PTPRD: variants seen among roughly 807,000 people sequenced by gnomAD.
PTPRD encodes protein tyrosine phosphatase receptor type D.
A neutral mutation model predicts 214.5 loss-of-function variants in PTPRD; 34 were observed. The ratio of observed to expected loss-of-function variants is 0.16; its 90% CI spans 0.12 to 0.21. The LOEUF is 0.21. PTPRD is among the 10% of genes least tolerant of loss of function. The probability of loss-of-function intolerance (pLI) is 1.00; values close to 1 mark genes in which losing one functional copy is unlikely to be tolerated. For missense variants in PTPRD, 2,545 were observed against 2,398.7 expected (o/e 1.06, Z -1.27); for synonymous variants, 1,128 against 845.7 (o/e 1.33, Z -5.79).
At chr9:9,464,736 GT>G (rs1004036818) in intron 8 of PTPRD, among the ~76,000 whole-genome samples, 1 of 152,108 alleles carries the variant, frequency 6.6e-6, no homozygotes, top group Non-Finnish European at 1.5e-5. Context: ...GTAAACATGA[GT>G]TTTTAGCAAT....
In PTPRD at chr9:9,899,150, C is replaced by CA. The variant is rs1392975113; in HGVS notation, c.-368+39356dup. Among the ~76,000 whole-genome samples the CA allele has an allele frequency of 1.1e-4, 17 of 151,970 alleles. No homozygotes were observed. In the Middle Eastern group the frequency reaches 0.021, roughly 184 times the overall value. ...AAATAACTTTTACTATAGTATACCC[C>CA]AAGAAGAAGTACTTAGGAACAAATC... On this transcript the variant is annotated intron_variant, in intron 5 of 45. Transcript: ENST00000381196.
chr9:8,720,752 G>C (rs2098484772), intron 12 of PTPRD, among the ~76,000 whole-genome samples: 1 of 152,044 alleles, frequency 6.6e-6, no homozygotes, highest in South Asian at 2.1e-4. Flanking sequence ...TTCTTACACA[G>C]TGTGTAAGCT....
intron 10 of PTPRD, among the ~76,000 whole-genome samples, chr9:9,102,327 G>C (rs2099792504): frequency 6.6e-6 from 1 of 152,126 alleles, no homozygotes; most frequent in Non-Finnish European, 1.5e-5. Context: ...ACCATTCTAT[G>C]GCCACCAACA....
chr9:9,684,516 G>C (rs1007093196), intron 7 of PTPRD, among the ~76,000 whole-genome samples: 11 of 151,646 alleles, frequency 7.3e-5, no homozygotes, highest in African/African-American at 2.7e-4. Flanking sequence ...CTCTACCTAA[G>C]ATAGTTGCTT....
At chr9:9,683,055 A>T (rs192401041) in intron 7 of PTPRD, among the ~76,000 whole-genome samples, 25 of 151,964 alleles carry the variant, frequency 1.6e-4, no homozygotes, top group Admixed American at 3.3e-4. Flanking sequence ...ATTTTGAAAG[A>T]TAGGGGACTT....
intron 10 of PTPRD, among the ~76,000 whole-genome samples, chr9:9,168,254 G>C (rs527694457): frequency 6.6e-6 from 1 of 152,276 alleles, no homozygotes; most frequent in East Asian, 1.9e-4. Context: ...CCTTCTTCTA[G>C]ACAGTTTAGA....
intron 10 of PTPRD, among the ~76,000 whole-genome samples, chr9:9,087,878 CT>C (rs59824704): frequency 8.1e-3 from 556 of 68,556 alleles, no homozygotes; most frequent in African/African-American, 0.023. Context: ...GCCCTAAACT[CT>C]TTTTTTTTTT....
At chr9:8,349,087 C>T (rs977229871) in intron 39 of PTPRD, among the ~76,000 whole-genome samples, 1 of 152,022 alleles carries the variant, frequency 6.6e-6, no homozygotes, top group Non-Finnish European at 1.5e-5. Context: ...ATAGGAAGCC[C>T]TCTCCCAGAT....
intron 7 of PTPRD, among the ~76,000 whole-genome samples, chr9:9,707,772 G>A (rs2097652334): frequency 6.6e-6 from 1 of 151,954 alleles, no homozygotes; most frequent in Admixed American, 6.6e-5. Flanking sequence ...AGTTAGCAGT[G>A]CCACTATTCT....
chr9:10,013,669 G>A (rs761358652), intron 4 of PTPRD, among the ~76,000 whole-genome samples: 1 of 151,890 alleles, frequency 6.6e-6, no homozygotes, highest in Non-Finnish European at 1.5e-5. Context: ...AGTACACATG[G>A]ATGAAATACT....
intron 5 of PTPRD, among the ~76,000 whole-genome samples, chr9:9,892,961 A>G (rs756613241): frequency 2.0e-5 from 3 of 152,080 alleles, no homozygotes; most frequent in Non-Finnish European, 2.9e-5. Flanking sequence ...AATTTGTAGG[A>G]GTAAAATAGG....
intron 11 of PTPRD, among the ~76,000 whole-genome samples, chr9:8,940,696 C>A (rs1027775204): frequency 3.9e-5 from 6 of 151,952 alleles, no homozygotes; most frequent in Non-Finnish European, 8.8e-5. Flanking sequence ...GGTTGACCTG[C>A]TGGTTGGAGA....
chr9:9,355,405 A>G (rs1178194614), intron 9 of PTPRD, among the ~76,000 whole-genome samples: 4 of 151,576 alleles, frequency 2.6e-5, no homozygotes, highest in African/African-American at 9.7e-5. Context: ...GGGCTTAATT[A>G]TGAAAATGTG....
intron 11 of PTPRD, among the ~76,000 whole-genome samples, chr9:8,951,159 A>AAG (rs1335644970): frequency 5.8e-4 from 19 of 32,538 alleles, no homozygotes; most frequent in Admixed American, 1.8e-3. Flanking sequence ...GTGTGTGTGT[A>AAG]AGAGAGAGAG....
chr9:10,548,996 A>G (rs1374745904), intron 2 of PTPRD, among the ~76,000 whole-genome samples: 1 of 152,208 alleles, frequency 6.6e-6, no homozygotes, highest in East Asian at 1.9e-4. Context: ...AACATTTTCC[A>G]CAAGCAACTT....
chr9:10,247,150 G>A (rs1314694407), intron 3 of PTPRD, among the ~76,000 whole-genome samples: 1 of 152,022 alleles, frequency 6.6e-6, no homozygotes, highest in Non-Finnish European at 1.5e-5. Context: ...AGTAAAACTA[G>A]TTTGATTAGT....
chr9:9,625,936 G>GT, intron 7 of PTPRD, among the ~76,000 whole-genome samples: 1 of 152,258 alleles, frequency 6.6e-6, no homozygotes, highest in South Asian at 2.1e-4. Flanking sequence ...GATGATAAAT[G>GT]TTTTTGTCCT....
chr9:10,336,000 A>G (rs1488080598), intron 3 of PTPRD, among the ~76,000 whole-genome samples: 1 of 151,746 alleles, frequency 6.6e-6, no homozygotes, highest in African/African-American at 2.4e-5. Flanking sequence ...GGGAGTGCAA[A>G]TGGCACATCC....
intron 4 of PTPRD, among the ~76,000 whole-genome samples, chr9:10,017,752 G>A (rs1318697878): frequency 6.6e-6 from 1 of 151,942 alleles, no homozygotes; most frequent in Non-Finnish European, 1.5e-5. Context: ...CTAAACCAAT[G>A]ACACATTTTC....
Sources: gnomAD v4.1 joint callset for allele counts (sites outside exome capture counted in the v4.1 genomes callset) on GRCh38, gnomAD v4.1.1 for gene constraint, MANE v1.5 for transcripts, NCBI Gene and HGNC (gene_info 2026-07-23, HGNC 2026-07-21) for gene names.